The following CCDC88C variants were observed in gnomAD, a reference collection of about 807,000 sequenced individuals.
The protein encoded by CCDC88C is protein Daple.
Under a neutral mutation model 198.8 loss-of-function variants are expected in CCDC88C, and 131 were observed. The ratio of observed to expected loss-of-function variants is 0.66; its 90% CI spans 0.57 to 0.76. The LOEUF (loss-of-function observed/expected upper bound fraction) is 0.76, where lower values mean the gene tolerates loss of function less well. Ranked by LOEUF, CCDC88C falls within the 30% of genes least tolerant of loss-of-function variation. The probability of loss-of-function intolerance (pLI) is 0.00; values close to 1 mark genes in which losing one functional copy is unlikely to be tolerated. For synonymous variants in CCDC88C, 1,166 were observed against 1,114.7 expected (o/e 1.05, Z -0.92); for missense variants, 2,553 against 2,631.6 (o/e 0.97, Z 0.65).
At chr14:91,336,763 G>A (rs72701412) in intron 10 of CCDC88C, among the ~76,000 whole-genome samples, 13,027 of 152,248 alleles carry the variant, frequency 0.086, 741 homozygotes, top group Non-Finnish European at 0.13. Flanking sequence ...CTGAGGAACA[G>A]ACAGGTCCTC....
At chr14:91,277,253 G>A (rs543457342) in intron 29 of CCDC88C, among the ~76,000 whole-genome samples, 1 of 152,324 alleles carries the variant, frequency 6.6e-6, no homozygotes, top group African/African-American at 2.4e-5. Context: ...GGACTCAGGT[G>A]ATCTGCCCAC....
At chr14:91,360,061 A>G (rs1021714846) in intron 3 of CCDC88C, among the ~76,000 whole-genome samples, 5 of 152,214 alleles carry the variant, frequency 3.3e-5, no homozygotes, top group African/African-American at 1.2e-4. Context: ...ACATGCTAGG[A>G]CAGCAGTATG....
rs1884777546 is a variant in CCDC88C, at chr14:91,381,308, G to A, written c.271-21597C>T. 6.6e-6 allele frequency among the ~76,000 whole-genome samples: 1 copy of A among 152,178 alleles called. No homozygotes were observed. ...TCAAACTCCAAATCTCAAACAACCT[G>A]TGCACAGGGTACTGGGGACACAGAT... On this transcript the variant is annotated intron_variant, in intron 3 of 29. Transcript: ENST00000389857. This position sits in a 1 kb window ranked among gnomAD's most constrained non-coding sequence, Gnocchi z 4.2.
intron 20 of CCDC88C, 42 bp downstream of exon 20, chr14:91,303,659 A>T (rs1596046295): frequency 2.0e-6 from 3 of 1,495,548 alleles, no homozygotes. Flanking sequence ...TCTCCTCTGG[A>T]CTCTACCCCT....
At chr14:91,350,949 C>T (rs537543829) in intron 4 of CCDC88C, among the ~76,000 whole-genome samples, 5 of 152,292 alleles carry the variant, frequency 3.3e-5, no homozygotes, top group East Asian at 1.9e-4. Flanking sequence ...AGTCACAGAA[C>T]TAAGATCTGT....
At position 91,314,085 on chromosome 14, in the gene CCDC88C, C is replaced by T. The variant is rs776023917; in HGVS notation, c.1731G>A (p.Ser577=). ...NRAMWSLRER[S]QVSSEARMKD... ...TCATGCGGGCCTCACTGCTGACCTG[C>T]GACCTCTCCCGCAGCGACCACATGG... Residue 577 remains serine, a synonymous_variant, in exon 15 of 30, where the codon TCG becomes TCA. Coordinates refer to ENST00000389857, the MANE Select transcript of CCDC88C (RefSeq NM_001080414.4). The T allele has an allele frequency of 1.3e-5, 21 of 1,613,638 alleles. No homozygotes were observed. Among genetic ancestry groups the T allele is most frequent in the Admixed American group, 6.7e-5 (4 of 59,980 alleles).
chr14:91,357,964 C>G (rs1380386976), intron 4 of CCDC88C, among the ~76,000 whole-genome samples: 2 of 152,222 alleles, frequency 1.3e-5, no homozygotes, highest in Non-Finnish European at 2.9e-5. Context: ...CCAGGAGGAC[C>G]AGGGGTGGCC....
chr14:91,375,809 T>C (rs1596129680), intron 3 of CCDC88C, among the ~76,000 whole-genome samples: 2 of 151,918 alleles, frequency 1.3e-5, no homozygotes, highest in African/African-American at 4.8e-5. Context: ...TCAGGGCGAG[T>C]GGGGGGCAAA....
intron 3 of CCDC88C, among the ~76,000 whole-genome samples, chr14:91,390,103 A>G (rs532631390): frequency 1.3e-5 from 2 of 152,256 alleles, no homozygotes; most frequent in Middle Eastern, 3.4e-3. Flanking sequence ...GGATAAAAAA[A>G]AAAAAGAGAA....
rs565493525 is a variant in CCDC88C, at chr14:91,366,199, C to T, written c.271-6488G>A. On this transcript the variant is annotated intron_variant, in intron 3 of 29. Coordinates refer to ENST00000389857, the MANE Select transcript of CCDC88C (RefSeq NM_001080414.4). ...ACACACACACACACACACACACACA[C>T]ACAGGGCTGGGCATGGTGGTTCACG... Among the ~76,000 whole-genome samples the T allele has an allele frequency of 7.3e-3, 1,029 of 141,206 alleles. 11 individuals carry two copies. Among genetic ancestry groups the T allele is most frequent in the African/African-American group, 0.026 (958 of 36,382 alleles). 92.6% of individuals were successfully genotyped at this position (141,206 alleles called of 152,430 possible).
At chr14:91,347,057 C>T (rs1893573591) in intron 4 of CCDC88C, among the ~76,000 whole-genome samples, 1 of 152,126 alleles carries the variant, frequency 6.6e-6, no homozygotes, top group Admixed American at 6.5e-5. Flanking sequence ...CATGCCCATG[C>T]TGGATATAAG....
chr14:91,379,897 A>G (rs1250760833), intron 3 of CCDC88C: 4 of 703,048 alleles, frequency 5.7e-6, no homozygotes, highest in Non-Finnish European at 5.2e-6. Context: ...TGAAAACAGG[A>G]TGAGAAGATT....
At chr14:91,283,646 GCTCT>G (rs1890290862) in intron 25 of CCDC88C, 129 bp from the exon 26 acceptor site, 1 of 875,288 alleles carries the variant, frequency 1.1e-6, no homozygotes, top group South Asian at 1.8e-5. Context: ...GGCTGCCACA[GCTCT>G]CGGGCTGCAA....
At chr14:91,375,259 C>CTGTG (rs763871977) in intron 3 of CCDC88C, among the ~76,000 whole-genome samples, 1 of 151,716 alleles carries the variant, frequency 6.6e-6, no homozygotes, top group African/African-American at 2.4e-5. Context: ...GCGCGCGTGT[C>CTGTG]TGTGTGTGTG....
At chr14:91,415,307 T>A (rs953119155) in intron 2 of CCDC88C, among the ~76,000 whole-genome samples, 16 of 151,958 alleles carry the variant, frequency 1.1e-4, no homozygotes, top group African/African-American at 3.9e-4. Context: ...TGTTTTTCAA[T>A]CTAATCAGAC....
At chr14:91,384,617 C>A (rs553281783) in intron 3 of CCDC88C, 13 of 406,582 alleles carry the variant, frequency 3.2e-5, no homozygotes, top group African/African-American at 2.5e-4. Flanking sequence ...GTGCTGCACA[C>A]TACGCACTGG....
intron 20 of CCDC88C, 139 bp from the exon 21 acceptor site, chr14:91,300,209 T>C (rs1891210937): frequency 5.4e-6 from 7 of 1,295,756 alleles, no homozygotes; most frequent in Non-Finnish European, 7.3e-6. Context: ...GTGAGGGGCA[T>C]GGGGCAGGGA....
At chr14:91,289,066 C>G (rs771072367) in intron 25 of CCDC88C, 39 bp downstream of exon 25, 2 of 1,555,540 alleles carry the variant, frequency 1.3e-6, no homozygotes, top group Admixed American at 1.8e-5. Context: ...CAGGACACCC[C>G]CTTCCTCACC....
chr14:91,365,933 G>C (rs1226529697), intron 3 of CCDC88C, among the ~76,000 whole-genome samples: 1 of 152,086 alleles, frequency 6.6e-6, no homozygotes, highest in Non-Finnish European at 1.5e-5. Context: ...ATAATTGTAT[G>C]TACAGTAGGA....
Sources: gnomAD v4.1 joint callset for allele counts (sites outside exome capture counted in the v4.1 genomes callset) on GRCh38, gnomAD v4.1.1 for gene constraint, Gnocchi (gnomAD v3.1) non-coding constraint, MANE v1.5 for transcripts, NCBI Gene and HGNC (gene_info 2026-07-23, HGNC 2026-07-21) for gene names.